NAA25: variants seen among roughly 807,000 people sequenced by gnomAD.
NAA25 encodes the protein N-alpha-acetyltransferase 25, NatB auxiliary subunit.
Under a neutral mutation model 132.5 loss-of-function variants are expected in NAA25, and 30 were observed. That is an observed-to-expected ratio of 0.23 (90% CI 0.17 to 0.31). The LOEUF is 0.31. Ranked by LOEUF, NAA25 falls within the 10% of genes least tolerant of loss-of-function variation. The pLI is 1.00. For synonymous variants in NAA25, 359 were observed against 401.9 expected (o/e 0.89, Z 1.28); for missense variants, 771 against 1,150.4 (o/e 0.67, Z 4.77).
At chr12:112,085,114 C>G (rs2136916351) in intron 4 of NAA25, among the ~76,000 whole-genome samples, 1 of 152,258 alleles carries the variant, frequency 6.6e-6, no homozygotes, top group East Asian at 1.9e-4. Flanking sequence ...CCTGTAATCC[C>G]AGCTATTCAG....
chr12:112,029,366 C>T lies in NAA25; in HGVS notation c.*165G>A. 9.5e-7 allele frequency: 1 copy of T among 1,049,610 alleles called. No homozygotes were observed. Among genetic ancestry groups the T allele is most frequent in the Non-Finnish European group, 1.3e-6 (1 of 743,000 alleles). 65.0% of individuals were successfully genotyped at this position (1,049,610 alleles called of 1,614,324 possible). A position where few individuals can be genotyped will look rare whatever the true frequency, so the allele number is the denominator to read the frequency against. ...TCTGGTTTATATACAATAATTTAAT[C>T]AGTTGTATATATTTAACACCTAAAA... On this transcript the variant is annotated 3_prime_UTR_variant, in exon 24 of 24. Transcript: ENST00000261745.
chr12:112,043,562 G>A, intron 18 of NAA25, 63 bp downstream of exon 18: 1 of 1,575,794 alleles, frequency 6.3e-7, no homozygotes, highest in Non-Finnish European at 8.7e-7. Context: ...CCAAACTCCT[G>A]TTTATAAAAC....
Position 112,042,029 on chromosome 12 carries a change from G to A in NAA25, c.2440+10C>T. 1 of 1,452,142 alleles carries A rather than the reference G, an allele frequency of 6.9e-7. No homozygotes were observed. The highest frequency in any genetic ancestry group is 9.2e-7 in the Non-Finnish European group (1 of 1,087,142). 90.0% of individuals were successfully genotyped at this position (1,452,142 alleles called of 1,614,324 possible). On this transcript the variant is annotated intron_variant, in intron 20 of 23. Transcript: ENST00000261745. Reference sequence around the variant, plus strand: ...ATACAAATACAGGAATCTACAGTAGGAAAACTTACCTTTTAACTGGTCTAG... The same window carrying A: ...ATACAAATACAGGAATCTACAGTAGAAAAACTTACCTTTTAACTGGTCTAG...
intron 4 of NAA25, among the ~76,000 whole-genome samples, chr12:112,085,144 C>T (rs570690922): frequency 6.6e-6 from 1 of 152,200 alleles, no homozygotes; most frequent in Non-Finnish European, 1.5e-5. Context: ...GCAGGAGAAT[C>T]GCTTGAACCC....
At chr12:112,101,484 C>T (rs946165112) in intron 1 of NAA25, among the ~76,000 whole-genome samples, 5 of 151,860 alleles carry the variant, frequency 3.3e-5, no homozygotes, top group African/African-American at 7.3e-5. Context: ...AGGCCGGGTG[C>T]GGTGGCTCAT....
intron 5 of NAA25, among the ~76,000 whole-genome samples, chr12:112,080,098 G>A (rs989573608): frequency 1.3e-5 from 2 of 151,614 alleles, no homozygotes; most frequent in African/African-American, 4.8e-5. Flanking sequence ...GGCTAACATG[G>A]TGAAACCCCA....
At position 112,071,884 on chromosome 12, in the gene NAA25, T is replaced by C. The variant is rs778410494; in HGVS notation, c.1036+11A>G. On this transcript the variant is annotated intron_variant, in intron 10 of 23. Transcript: ENST00000261745. ...CATTCTCCAGGCTTACCAGATATCA[T>C]GGTTTCTTACCCAGTTTGTACTCAT... 21 of 1,604,922 alleles carry C rather than the reference T, an allele frequency of 1.3e-5. No individual in the cohort carries two copies. Among genetic ancestry groups the C allele is most frequent in the Non-Finnish European group, 1.8e-5 (21 of 1,175,304 alleles).
At chr12:112,036,082 C>T (rs1387693932) in intron 22 of NAA25, among the ~76,000 whole-genome samples, 1 of 152,132 alleles carries the variant, frequency 6.6e-6, no homozygotes. Flanking sequence ...TAAAACAGCA[C>T]ATCATGAGCT....
chr12:112,089,827 T>A (rs934413873), intron 3 of NAA25, among the ~76,000 whole-genome samples: 1 of 151,686 alleles, frequency 6.6e-6, no homozygotes, highest in African/African-American at 2.4e-5. Flanking sequence ...AACCCGTCTC[T>A]ACTAAAAATA....
At chr12:112,052,042 C>T (rs2078474505) in intron 15 of NAA25, among the ~76,000 whole-genome samples, 1 of 152,184 alleles carries the variant, frequency 6.6e-6, no homozygotes, top group African/African-American at 2.4e-5. Flanking sequence ...GAGAAACAAA[C>T]CTTTGAAAAG....
rs2078118169 is a variant in NAA25, at chr12:112,029,171, C to T, written c.*360G>A. On this transcript the variant is annotated 3_prime_UTR_variant, in exon 24 of 24. Transcript: ENST00000261745. ...TTATAATGGAAGGGCTATTCAGTTGCTATGAGGTTGATGCTTTATGCTTAA... is the reference window on the plus strand; with the variant it reads ...TTATAATGGAAGGGCTATTCAGTTGTTATGAGGTTGATGCTTTATGCTTAA... 9.6e-6 allele frequency: 2 copies of T among 208,652 alleles called. No homozygotes were observed. The highest frequency in any genetic ancestry group is 2.0e-5 in the Non-Finnish European group (2 of 102,364). The allele number at this position is 208,652 out of a possible 1,614,324, so 12.9% of individuals were successfully genotyped here.
intron 1 of NAA25, among the ~76,000 whole-genome samples, chr12:112,102,697 C>G (rs539525852): frequency 1.4e-5 from 2 of 147,304 alleles, no homozygotes; most frequent in Non-Finnish European, 3.0e-5. Context: ...GCTGCCCCCC[C>G]GCCCCCCGCA....
At chr12:112,073,095 G>A (rs970413757) in intron 9 of NAA25, among the ~76,000 whole-genome samples, 16 of 151,890 alleles carry the variant, frequency 1.1e-4, no homozygotes, top group South Asian at 4.2e-4. Flanking sequence ...TTAGCCAGGC[G>A]TGGTGGCTCA....
rs2078817983 is a variant in NAA25, at chr12:112,072,067, G to A, written c.867-3C>T. On this transcript the variant is annotated splice_polypyrimidine_tract_variant and splice_region_variant and intron_variant, in intron 9 of 23. Transcript: ENST00000261745. ...AATGTACTTCTCCTTCTAAAGAGCT[G>A]AGGAAAAGCACATGAAAAAGGAATT... is the stretch of plus-strand genomic sequence containing the variant. 21 of 1,601,260 alleles carry A rather than the reference G, an allele frequency of 1.3e-5. No individual in the cohort carries two copies. Among genetic ancestry groups the A allele is most frequent in the Non-Finnish European group, 1.8e-5 (21 of 1,173,014 alleles).
At chr12:112,078,015 T>TA (rs577940801) in intron 7 of NAA25, among the ~76,000 whole-genome samples, 173 bp downstream of exon 7, 4 of 151,986 alleles carry the variant, frequency 2.6e-5, no homozygotes, top group Non-Finnish European at 4.4e-5. Flanking sequence ...TATTTTCAAG[T>TA]AAAAACATTT....
chr12:112,027,135 C>T lies in NAA25; in HGVS notation c.*2396G>A, dbSNP rs917177747. On this transcript the variant is annotated 3_prime_UTR_variant, in exon 24 of 24. Transcript: ENST00000261745. ...AATTTTTCAGTCTGTAAACAGTAGTCGTGATTTTTCTCCTTTCCTTTTTTA... is the reference window on the plus strand; with the variant it reads ...AATTTTTCAGTCTGTAAACAGTAGTTGTGATTTTTCTCCTTTCCTTTTTTA... The T allele has an allele frequency of 2.6e-5, 4 of 152,338 alleles. No homozygotes were observed. The highest frequency in any genetic ancestry group is 5.9e-5 in the Non-Finnish European group (4 of 67,978). The allele number at this position is 152,338 out of a possible 1,614,324, so 9.4% of individuals were successfully genotyped here.
intron 10 of NAA25, 68 bp downstream of exon 10, chr12:112,071,827 A>AGTGGTCG: frequency 8.9e-7 from 1 of 1,122,188 alleles, no homozygotes; most frequent in South Asian, 1.9e-5. Flanking sequence ...TGTAGATCTC[A>AGTGGTCG]ACTAATGAAT....
In NAA25 at chr12:112,052,584, C is replaced by A. The variant is rs148694032; in HGVS notation, c.1728+974G>T. On this transcript the variant is annotated intron_variant, in intron 15 of 23. Transcript: ENST00000261745. ...GAATGTAATTATCATAAACTGAGAACAAACCTATATCCCATGTTCAGAAAT... is the reference window on the plus strand; with the variant it reads ...GAATGTAATTATCATAAACTGAGAAAAAACCTATATCCCATGTTCAGAAAT... Among the ~76,000 whole-genome samples, 26 of 151,710 alleles carry A rather than the reference C, an allele frequency of 1.7e-4. No individual in the cohort carries two copies. In the East Asian group the frequency reaches 4.6e-3, roughly 27 times the overall value.
rs1310583832 is a variant in NAA25 at position 112,074,713 on chromosome 12, C to T, written c.828G>A (p.Leu276=). 4 of 1,611,532 alleles carry T rather than the reference C, an allele frequency of 2.5e-6. No homozygotes were observed. The African/African-American group carries it at 5.3e-5, about 22-fold the overall frequency. Residue 276 remains leucine, a synonymous_variant, in exon 9 of 24, where the codon CTG becomes CTA. Coordinates refer to ENST00000261745, the MANE Select transcript of NAA25 (RefSeq NM_024953.4). ...CAGGAGGACTCCAGGCCTCTTCAAT[C>T]AGTCGAAAGACAGAATCGAAATAAG... ...YLTYFDSVFR[L]IEEAWSPPAE...
Sources: allele counts gnomAD v4.1 joint callset (sites outside exome capture counted in the v4.1 genomes callset), GRCh38; gene constraint gnomAD v4.1.1; transcripts MANE v1.5; gene names NCBI Gene and HGNC (gene_info 2026-07-23, HGNC 2026-07-21).